Variants in KRT77 observed in about 807,000 individuals in gnomAD.
The protein encoded by KRT77 is keratin 77.
In KRT77, 44 loss-of-function variants were observed where a neutral mutation model predicts 51.5. The ratio of observed to expected loss-of-function variants is 0.85; its 90% CI spans 0.67 to 1.10. The LOEUF (loss-of-function observed/expected upper bound fraction) is 1.10, where lower values mean the gene tolerates loss of function less well. KRT77 is among the 50% of genes least tolerant of loss of function. KRT77 has a pLI of 0.00. For synonymous variants in KRT77, 293 were observed against 302.0 expected, an observed-to-expected ratio of 0.97 and a Z score of 0.31; for missense variants, 763 against 743.9, an observed-to-expected ratio of 1.03 and a Z score of -0.30.
intron 1 of KRT77, among the ~76,000 whole-genome samples, chr12:52,702,542 G>A (rs1941898680): frequency 1.0e-5 from 1 of 96,954 alleles, no homozygotes; most frequent in Non-Finnish European, 2.2e-5. Flanking sequence ...GTGTGTGTGT[G>A]TGTGTGTGTG....
chr12:52,691,361 C>T lies in KRT77; in HGVS notation c.1541G>A (p.Gly514Asp). 6.3e-7 allele frequency: 1 copy of T among 1,599,950 alleles called. No homozygotes were observed. The highest frequency in any genetic ancestry group is 8.5e-7 in the Non-Finnish European group (1 of 1,175,394). ...TCCGCCGCCATAGCCCCCACCGCTG[C>T]CGCCGCCGTAGCCTCCTGAGCCGTA... ...GSYGSGGYGG[G>D]SGGGYGGGRS... is the part of the protein sequence containing the mutation. Residue 514 changes from glycine to aspartate, a missense_variant, in exon 9 of 9, where the codon GGC (glycine) becomes GAC (aspartate). By Grantham distance (94) the Gly-to-Asp change is moderately conservative (BLOSUM62 -1). Coordinates refer to ENST00000341809, the MANE Select transcript of KRT77 (RefSeq NM_175078.3).
rs1321204329 is a variant in KRT77, at chr12:52,690,101, G to A, written c.*1064C>T. 1 of 152,232 alleles carries A rather than the reference G, an allele frequency of 6.6e-6. No individual in the cohort carries two copies. The allele number at this position is 152,232 out of a possible 1,614,324, so 9.4% of individuals were successfully genotyped here. A position where few individuals can be genotyped will look rare whatever the true frequency, so the allele number is the denominator to read the frequency against. ...CAGACTCCTCAGGCCCGAGGCACCT[G>A]GATGGAACAGAGCTGGGCTTCACAT... On this transcript the variant is annotated 3_prime_UTR_variant, in exon 9 of 9. Coordinates refer to ENST00000341809, the MANE Select transcript of KRT77 (RefSeq NM_175078.3).
At chr12:52,693,518 C>A (rs958219257) in intron 5 of KRT77, 1 of 151,176 alleles carries the variant, frequency 6.6e-6, no homozygotes. Flanking sequence ...GAACACTGTG[C>A]AGGACCGTGG....
chr12:52,691,869 G>C, intron 8 of KRT77, 69 bp downstream of exon 8: 1 of 1,585,302 alleles, frequency 6.3e-7, no homozygotes, highest in Non-Finnish European at 8.6e-7. Context: ...GTTCTCTGCT[G>C]GCCACCTCCT....
Position 52,691,976 on chromosome 12 carries a change from T to G in KRT77, c.1428-4A>C. ...GCTCTGCAGCTCTCCTGACATCCTG[T>G]AAAACCAAAGCACACGGTCAGCCAG... is the stretch of plus-strand genomic sequence containing the variant. On this transcript the variant is annotated splice_polypyrimidine_tract_variant and splice_region_variant and intron_variant, in intron 7 of 8. Coordinates refer to ENST00000341809, the MANE Select transcript of KRT77 (RefSeq NM_175078.3). 1 of 1,613,956 alleles carries G rather than the reference T, an allele frequency of 6.2e-7. No homozygotes were observed. The highest frequency in any genetic ancestry group is 1.1e-5 in the South Asian group (1 of 91,076).
At chr12:52,701,876 T>G (rs1941891203) in intron 1 of KRT77, among the ~76,000 whole-genome samples, 1 of 152,168 alleles carries the variant, frequency 6.6e-6, no homozygotes, top group Non-Finnish European at 1.5e-5. Flanking sequence ...CACCAGGGCA[T>G]TCACCATGCC....
chr12:52,691,932 A>C lies in KRT77; in HGVS notation c.1462+6T>G, dbSNP rs1235094490. 6.2e-7 allele frequency: 1 copy of C among 1,613,816 alleles called. No homozygotes were observed. Among genetic ancestry groups the C allele is most frequent in the East Asian group, 2.2e-5 (1 of 44,896 alleles). On this transcript the variant is annotated splice_donor_region_variant and intron_variant, in intron 8 of 8. Coordinates refer to ENST00000341809, the MANE Select transcript of KRT77 (RefSeq NM_175078.3). The stretch of plus-strand genomic sequence containing the variant: ...CCTCTCTCTGCCCCTGGGCTCTGCT[A>C]CTTACAGATGCTCACATGGCTCTGC...
chr12:52,695,526 C>T lies in KRT77; in HGVS notation c.915+246G>A, dbSNP rs563373993. Among the ~76,000 whole-genome samples, 15 of 152,274 alleles carry T rather than the reference C, an allele frequency of 9.9e-5. No individual in the cohort carries two copies. The East Asian group carries it at 2.9e-3, about 29-fold the overall frequency. The stretch of plus-strand genomic sequence containing the variant: ...CCCAGACAGATTGGAAGCCATGAAC[C>T]AGGGACACATTCGCCTCCACCTAAC... On this transcript the variant is annotated intron_variant, in intron 4 of 8. Transcript: ENST00000341809.
intron 1 of KRT77, among the ~76,000 whole-genome samples, chr12:52,698,806 A>C (rs1370079016): frequency 6.6e-6 from 1 of 152,238 alleles, no homozygotes; most frequent in African/African-American, 2.4e-5. Context: ...GCTCGGCCGC[A>C]TGCAGGCGCA....
At position 52,696,439 on chromosome 12, in the gene KRT77, C is replaced by T. The variant is rs755222784; in HGVS notation, c.759-9G>A. On this transcript the variant is annotated splice_polypyrimidine_tract_variant and intron_variant, in intron 2 of 8. Transcript: ENST00000341809. ...TGATTTCATCCTCATACCTGTCAGGCGAGGCAAAGGAGCACAGAAAGGCTG... is the reference window on the plus strand; with the variant it reads ...TGATTTCATCCTCATACCTGTCAGGTGAGGCAAAGGAGCACAGAAAGGCTG... The T allele has an allele frequency of 2.9e-5, 47 of 1,613,708 alleles. No individual in the cohort carries two copies. The highest frequency in any genetic ancestry group is 4.4e-5 in the South Asian group (4 of 91,082).
chr12:52,694,520 CA>C, intron 5 of KRT77, 105 bp downstream of exon 5: 2 of 1,099,392 alleles, frequency 1.8e-6, no homozygotes, highest in Non-Finnish European at 2.5e-6. Context: ...ATTTGTATAA[CA>C]AACACATTTT....
intron 1 of KRT77, chr12:52,698,277 C>G: frequency 1.8e-6 from 1 of 557,570 alleles, no homozygotes; most frequent in South Asian, 1.5e-5. Flanking sequence ...GGTCAAAATG[C>G]ATTATGTGAT....
At chr12:52,691,481 G>A (rs772506370) in intron 8 of KRT77, 42 bp from the exon 9 acceptor site, 2 of 1,512,954 alleles carry the variant, frequency 1.3e-6, no homozygotes, top group East Asian at 2.3e-5. Flanking sequence ...GAGGGACCGG[G>A]CAAGGCCCCC....
At chr12:52,698,403 T>A (rs113213617) in intron 1 of KRT77, 4,659 of 371,972 alleles carry the variant, frequency 0.013, 63 homozygotes, top group Non-Finnish European at 0.02. Context: ...ACCTCTGCTG[T>A]CTGCCGGGAT....
At chr12:52,701,332 T>A (rs1448446778) in intron 1 of KRT77, among the ~76,000 whole-genome samples, 2 of 152,230 alleles carry the variant, frequency 1.3e-5, no homozygotes, top group Non-Finnish European at 2.9e-5. Context: ...GGGAGCACGC[T>A]GCTGTGTTGC....
intron 1 of KRT77, among the ~76,000 whole-genome samples, chr12:52,702,404 CGT>C (rs138391129): frequency 7.3e-5 from 11 of 150,568 alleles, no homozygotes; most frequent in African/African-American, 2.2e-4. Flanking sequence ...CAGATGAACA[CGT>C]GTGTGTGTGT....
rs144557178 is a variant in KRT77, at chr12:52,699,495, C to T, written c.544-1599G>A. Among the ~76,000 whole-genome samples the T allele has an allele frequency of 9.4e-4, 143 of 152,358 alleles. 2 individuals carry two copies. Among genetic ancestry groups the T allele is most frequent in the Non-Finnish European group, 1.5e-3 (103 of 68,036 alleles). ...AAGCCACTGTGTTTTTCCCCAGGTT[C>T]CCCAAAACACTCCTGGTCTGTGTCC... On this transcript the variant is annotated intron_variant, in intron 1 of 8. Transcript: ENST00000341809.
Position 52,690,459 on chromosome 12 carries a change from CCAA to C in KRT77, c.*703_*705del. 6.5e-6 allele frequency: 1 copy of C among 154,928 alleles called. No homozygotes were observed. The highest frequency in any genetic ancestry group is 1.4e-5 in the Non-Finnish European group (1 of 69,784). The allele number at this position is 154,928 out of a possible 1,614,324, so 9.6% of individuals were successfully genotyped here. On this transcript the variant is annotated 3_prime_UTR_variant, in exon 9 of 9. Transcript: ENST00000341809. Reference sequence around the variant, plus strand: ...CAACATGAGTGTATGAGGCTATGGACCAAGAGGCAGGAATAGGCCGCTGGTGCA... The same window carrying C: ...CAACATGAGTGTATGAGGCTATGGACGAGGCAGGAATAGGCCGCTGGTGCA...
Position 52,700,045 on chromosome 12 carries a change from T to G in KRT77, c.544-2149A>C, listed in dbSNP as rs1365220949. On this transcript the variant is annotated intron_variant, in intron 1 of 8. Transcript: ENST00000341809. ...CAAGGCCAGGCCAGTGTCCCAGGGG[T>G]AAGAGCTGAAACCCTCCTTTCCTTT... 2.6e-5 allele frequency among the ~76,000 whole-genome samples: 4 copies of G among 152,130 alleles called. No homozygotes were observed. In the East Asian group the frequency reaches 7.7e-4, roughly 29 times the overall value.
Sources: gnomAD v4.1 joint callset for allele counts (sites outside exome capture counted in the v4.1 genomes callset) on GRCh38, gnomAD v4.1.1 for gene constraint, MANE v1.5 for transcripts, NCBI Gene and HGNC (gene_info 2026-07-23, HGNC 2026-07-21) for gene names.